The following NPAS3 variants were observed in gnomAD, a reference collection of about 807,000 sequenced individuals.
NPAS3 encodes the protein neuronal PAS domain-containing protein 3.
NPAS3 carries 14 observed loss-of-function variants against 73.1 expected under a neutral mutation model. The observed-to-expected ratio is 0.19, with a 90% CI of 0.13 to 0.30. The LOEUF (loss-of-function observed/expected upper bound fraction) is 0.30, where lower values mean the gene tolerates loss of function less well. NPAS3 is among the 10% of genes least tolerant of loss of function. NPAS3 has a pLI of 1.00. For missense variants in NPAS3, 1,096 were observed against 1,250.0 expected, an observed-to-expected ratio of 0.88 and a Z score of 1.86; for synonymous variants, 620 against 541.5, an observed-to-expected ratio of 1.14 and a Z score of -2.01.
At chr14:33,055,455 G>C (rs2040855822) in intron 1 of NPAS3, among the ~76,000 whole-genome samples, 1 of 152,148 alleles carries the variant, frequency 6.6e-6, no homozygotes, top group South Asian at 2.1e-4. Flanking sequence ...GAATAGAGCT[G>C]AAAAATATAT....
At chr14:32,958,534 G>A (rs763216449) in intron 1 of NPAS3, among the ~76,000 whole-genome samples, 7 of 152,012 alleles carry the variant, frequency 4.6e-5, no homozygotes, top group African/African-American at 9.7e-5. Context: ...TTTTCTACTC[G>A]TCTCATTCTG....
intron 1 of NPAS3, among the ~76,000 whole-genome samples, chr14:33,026,097 C>T (rs920911181): frequency 1.3e-5 from 2 of 152,146 alleles, no homozygotes; most frequent in African/African-American, 4.8e-5. Context: ...AACAAAATTC[C>T]AGGTTGATTT....
At chr14:33,280,554 T>C (rs2041555373) in intron 3 of NPAS3, among the ~76,000 whole-genome samples, 1 of 152,074 alleles carries the variant, frequency 6.6e-6, no homozygotes, top group Non-Finnish European at 1.5e-5. Flanking sequence ...ATCTATGAAA[T>C]AGAAATAGTA....
intron 4 of NPAS3, among the ~76,000 whole-genome samples, chr14:33,516,359 A>G (rs1000282808): frequency 6.6e-6 from 1 of 152,158 alleles, no homozygotes; most frequent in Admixed American, 6.6e-5. Context: ...AGCATTCTTT[A>G]CTTGCTTAGT....
chr14:32,959,470 G>T (rs990873383), intron 1 of NPAS3, among the ~76,000 whole-genome samples: 3 of 152,118 alleles, frequency 2.0e-5, no homozygotes, highest in Non-Finnish European at 4.4e-5. Flanking sequence ...AATAAGCTAA[G>T]CCTTCAGAAA....
intron 1 of NPAS3, among the ~76,000 whole-genome samples, chr14:33,019,257 A>G (rs2039504227): frequency 6.6e-6 from 1 of 152,260 alleles, no homozygotes; most frequent in Admixed American, 6.5e-5. Context: ...ACAGGCAATC[A>G]GCATTTTAAT....
intron 7 of NPAS3, among the ~76,000 whole-genome samples, chr14:33,760,516 A>G (rs566738610): frequency 6.6e-6 from 1 of 152,334 alleles, no homozygotes; most frequent in East Asian, 1.9e-4. Context: ...TTGACCGTGT[A>G]GAGACCAGGA....
intron 6 of NPAS3, among the ~76,000 whole-genome samples, chr14:33,724,329 T>G (rs778708557): frequency 4.6e-5 from 7 of 152,126 alleles, no homozygotes; most frequent in Non-Finnish European, 7.4e-5. Flanking sequence ...TAATCCATCC[T>G]CAATAGAAAT....
At chr14:33,313,629 ATAGG>A (rs1019632005) in intron 3 of NPAS3, among the ~76,000 whole-genome samples, 3 of 152,078 alleles carry the variant, frequency 2.0e-5, no homozygotes, top group African/African-American at 7.2e-5. Context: ...TGTGACAGCA[ATAGG>A]TATTTGCGGC....
chr14:33,452,605 T>C (rs1460208985), intron 4 of NPAS3, among the ~76,000 whole-genome samples: 3 of 151,668 alleles, frequency 2.0e-5, no homozygotes, highest in South Asian at 4.2e-4. Flanking sequence ...ACCCCGTCTC[T>C]ACTAAAAAAT....
chr14:33,643,506 G>A (rs1223605239), intron 5 of NPAS3, among the ~76,000 whole-genome samples: 2 of 151,974 alleles, frequency 1.3e-5, no homozygotes, highest in African/African-American at 2.4e-5. Flanking sequence ...TTTGTTCTGT[G>A]GGTTAAGCAG....
At chr14:33,382,676 T>G (rs1232193522) in intron 4 of NPAS3, among the ~76,000 whole-genome samples, 1 of 152,324 alleles carries the variant, frequency 6.6e-6, no homozygotes, top group South Asian at 2.1e-4. Context: ...AAATGTTGTA[T>G]CCTTACCTGG....
chr14:33,420,401 T>C (rs951983998), intron 4 of NPAS3, among the ~76,000 whole-genome samples: 1 of 151,990 alleles, frequency 6.6e-6, no homozygotes, highest in Non-Finnish European at 1.5e-5. Context: ...AGACAAATGC[T>C]GCTTGTCGCA....
intron 3 of NPAS3, among the ~76,000 whole-genome samples, chr14:33,289,410 G>T (rs1566762694): frequency 6.6e-6 from 1 of 152,066 alleles, no homozygotes; most frequent in Non-Finnish European, 1.5e-5. Flanking sequence ...ATGACACCCT[G>T]CCCCTTTTAA....
At chr14:33,691,010 C>G (rs201787213) in intron 6 of NPAS3, among the ~76,000 whole-genome samples, 1 of 152,296 alleles carries the variant, frequency 6.6e-6, no homozygotes, top group East Asian at 1.9e-4. Flanking sequence ...TTATCCTAAG[C>G]CTTAACCTTA....
intron 3 of NPAS3, among the ~76,000 whole-genome samples, chr14:33,324,786 TTG>T (rs202156962): frequency 7.2e-5 from 11 of 152,092 alleles, no homozygotes; most frequent in Non-Finnish European, 1.5e-4. Flanking sequence ...ATACTTGTTT[TTG>T]TGTGTGTGTG....
chr14:33,137,495 A>G (rs933523469), intron 2 of NPAS3, among the ~76,000 whole-genome samples: 6 of 152,224 alleles, frequency 3.9e-5, no homozygotes, highest in Non-Finnish European at 7.4e-5. Context: ...AAAGGCCATT[A>G]TAATTGGTAC....
At chr14:33,233,063 T>C (rs2047910300) in intron 3 of NPAS3, among the ~76,000 whole-genome samples, 1 of 152,222 alleles carries the variant, frequency 6.6e-6, no homozygotes, top group East Asian at 1.9e-4. Flanking sequence ...GAACTAGAAC[T>C]AATAACCTTT....
At chr14:33,233,155 C>G (rs1324370034) in intron 3 of NPAS3, among the ~76,000 whole-genome samples, 1 of 152,132 alleles carries the variant, frequency 6.6e-6, no homozygotes, top group East Asian at 1.9e-4. Flanking sequence ...TTGAATGAAT[C>G]TACCTCAAGG....
Sources: allele counts gnomAD v4.1 joint callset (sites outside exome capture counted in the v4.1 genomes callset), GRCh38; gene constraint gnomAD v4.1.1; transcripts MANE v1.5; gene names NCBI Gene and HGNC (gene_info 2026-07-23, HGNC 2026-07-21).